NEBL: variants seen among roughly 807,000 people sequenced by gnomAD.
NEBL encodes nebulette, also known as LIM and SH3 protein 2.
A neutral mutation model predicts 140.2 loss-of-function variants in NEBL; 122 were observed. The ratio of observed to expected loss-of-function variants is 0.87; its 90% CI spans 0.75 to 1.01. The LOEUF (loss-of-function observed/expected upper bound fraction) is 1.01, where lower values mean the gene tolerates loss of function less well. Ranked by LOEUF, NEBL falls within the 50% of genes least tolerant of loss-of-function variation. The probability of loss-of-function intolerance (pLI) is 0.00; values close to 1 mark genes in which losing one functional copy is unlikely to be tolerated. For missense variants in NEBL, 1,365 were observed against 1,231.3 expected (o/e 1.11, Z -1.62); for synonymous variants, 436 against 398.9 (o/e 1.09, Z -1.11).
At chr10:21,106,262 A>T (rs542905851) in intron 2 of NEBL, among the ~76,000 whole-genome samples, 286 of 152,254 alleles carry the variant, frequency 1.9e-3, no homozygotes, top group Non-Finnish European at 2.6e-3. Flanking sequence ...GTCTTTGCCC[A>T]TGCCTATGTC....
At position 21,232,122 on chromosome 10, in the gene NEBL, G is replaced by A. The variant is rs1171715329; in HGVS notation, n.348+15799C>T. The stretch of plus-strand genomic sequence containing the variant: ...TAAACTATGTTCCAACTGCCACAGG[G>A]TTGTTGTTTTTTTTTCTCTCTCTCT... On this transcript the variant is annotated intron_variant and non_coding_transcript_variant, in intron 3 of 8. Transcript: ENST00000675702. Among the ~76,000 whole-genome samples, 2 of 152,210 alleles carry A rather than the reference G, an allele frequency of 1.3e-5. 1 individual carries two copies. The highest frequency in any genetic ancestry group is 3.9e-4 in the East Asian group (2 of 5,166).
chr10:21,147,629 T>C (rs1839956211), intron 2 of NEBL, among the ~76,000 whole-genome samples: 1 of 152,158 alleles, frequency 6.6e-6, no homozygotes, highest in Non-Finnish European at 1.5e-5. Context: ...GTCCTTGATA[T>C]TTACCACGGT....
intron 24 of NEBL, 37 bp from the exon 25 acceptor site, chr10:20,809,935 A>T: frequency 1.6e-6 from 2 of 1,221,224 alleles, no homozygotes; most frequent in Non-Finnish European, 1.2e-6. Flanking sequence ...CTCATCAAGA[A>T]GGAATTTAAA....
chr10:21,122,755 T>C (rs1158724877), intron 2 of NEBL, among the ~76,000 whole-genome samples: 3 of 152,100 alleles, frequency 2.0e-5, no homozygotes, highest in African/African-American at 7.2e-5. Flanking sequence ...GAGTCACCAG[T>C]AGAGATAGCA....
intron 2 of NEBL, among the ~76,000 whole-genome samples, chr10:21,119,908 T>C (rs921469224): frequency 4.6e-5 from 7 of 152,240 alleles, no homozygotes; most frequent in African/African-American, 1.7e-4. Context: ...TTCTGGTCTA[T>C]AATGACTGAT....
At chr10:21,189,840 T>C (rs1360788411) in intron 3 of NEBL, among the ~76,000 whole-genome samples, 1 of 152,116 alleles carries the variant, frequency 6.6e-6, no homozygotes, top group Non-Finnish European at 1.5e-5. Context: ...AATCCAACAA[T>C]TTGGAAAGGT....
In NEBL at chr10:21,271,443, T is replaced by A. The variant is rs1842858996; in HGVS notation, n.183-19615A>T. ...AATTTTAGTTACAAGATTAACATAT[T>A]CCGGGTTTCATGTACAACGTGGTAG... On this transcript the variant is annotated intron_variant and non_coding_transcript_variant, in intron 1 of 8. Transcript: ENST00000675702. Among the ~76,000 whole-genome samples, 3 of 152,140 alleles carry A rather than the reference T, an allele frequency of 2.0e-5. No homozygotes were observed. The South Asian group carries it at 6.2e-4, about 32-fold the overall frequency.
At chr10:21,029,883 C>A in intron 2 of NEBL, 1 of 654,084 alleles carries the variant, frequency 1.5e-6, no homozygotes, top group Non-Finnish European at 2.8e-6. Context: ...ACAGAGGAGG[C>A]AGGGACCGCT....
intron 3 of NEBL, among the ~76,000 whole-genome samples, chr10:21,011,285 G>A (rs1838329401): frequency 6.6e-6 from 1 of 152,120 alleles, no homozygotes; most frequent in African/African-American, 2.4e-5. Context: ...TATACAACAG[G>A]TCAGCAACTT....
At chr10:20,837,459 A>T (rs1841010531) in intron 13 of NEBL, among the ~76,000 whole-genome samples, 1 of 152,158 alleles carries the variant, frequency 6.6e-6, no homozygotes, top group South Asian at 2.1e-4. Flanking sequence ...GCACAAGAAA[A>T]GTTGGAAACT....
intron 14 of NEBL, among the ~76,000 whole-genome samples, chr10:20,834,785 T>C (rs1159268782): frequency 6.6e-6 from 1 of 152,254 alleles, no homozygotes; most frequent in Non-Finnish European, 1.5e-5. Flanking sequence ...GATCCTTTTA[T>C]ATTCTCAGAT....
rs564709918 is a variant in NEBL, at chr10:21,066,909, T to C, written c.165-46708A>G. Among the ~76,000 whole-genome samples, 10 of 151,890 alleles carry C rather than the reference T, an allele frequency of 6.6e-5. No individual in the cohort carries two copies. The South Asian group carries it at 1.9e-3, about 28-fold the overall frequency. On this transcript the variant is annotated intron_variant, in intron 2 of 6. Transcript: ENST00000417816. Reference sequence around the variant, plus strand: ...TTTAGCATCATGTTCAGTTGCTCCATCTCATAGAATACTTAGGACACAAAA... The same window carrying C: ...TTTAGCATCATGTTCAGTTGCTCCACCTCATAGAATACTTAGGACACAAAA...
At chr10:20,798,465 G>A (rs1275854896) in intron 26 of NEBL, among the ~76,000 whole-genome samples, 3 of 152,098 alleles carry the variant, frequency 2.0e-5, no homozygotes, top group African/African-American at 7.2e-5. Context: ...AGACAGACAG[G>A]TAAGTATGCA....
At chr10:20,973,127 T>G (rs1465073712) in intron 3 of NEBL, among the ~76,000 whole-genome samples, 2 of 152,224 alleles carry the variant, frequency 1.3e-5, no homozygotes, top group Non-Finnish European at 2.9e-5. Context: ...CTCCCTGCTA[T>G]GTAACAGCAG....
intron 3 of NEBL, among the ~76,000 whole-genome samples, chr10:21,240,947 A>ACACACACAC (rs1341595507): frequency 8.3e-6 from 1 of 121,196 alleles, no homozygotes; most frequent in Non-Finnish European, 1.8e-5. Flanking sequence ...CACACACACA[A>ACACACACAC]AACCAGTATC....
chr10:20,968,157 G>A lies in NEBL; in HGVS notation c.250-6378C>T, dbSNP rs1836409527. ...AGCAAACACAGACTTGAAGCAAGAA[G>A]GTAGGAAAAATTGCATTGAGAGAGT... is the stretch of plus-strand genomic sequence containing the variant. On this transcript the variant is annotated intron_variant, in intron 3 of 6. Coordinates refer to the NEBL transcript ENST00000417816. 1.3e-5 allele frequency among the ~76,000 whole-genome samples: 2 copies of A among 152,192 alleles called. 1 individual carries two copies.
rs1564345967 is a variant in NEBL at position 20,812,912 on chromosome 10, G to GT, written c.2374dup (p.Thr792AsnfsTer31). The stretch of plus-strand genomic sequence containing the variant: ...GACGGGAGTAAAGCCTCTCCCCTTT[G>GT]TTTTTTCAAAATCTTCATGGTATTT... On this transcript the variant is annotated frameshift_variant, in exon 24 of 28. Coordinates refer to ENST00000377122, the MANE Select transcript of NEBL (RefSeq NM_006393.3). LOFTEE classifies it high-confidence loss of function. 1 of 1,613,802 alleles carries GT rather than the reference G, an allele frequency of 6.2e-7. No individual in the cohort carries two copies.
At chr10:20,789,953 GTATA>G (rs144361238) in intron 26 of NEBL, among the ~76,000 whole-genome samples, 2 of 146,420 alleles carry the variant, frequency 1.4e-5, no homozygotes, top group African/African-American at 2.5e-5. Context: ...ATATGTGTGT[GTATA>G]TATATATATA....
chr10:20,790,867 A>C (rs1564326816), intron 26 of NEBL, among the ~76,000 whole-genome samples: 1 of 152,202 alleles, frequency 6.6e-6, no homozygotes, highest in Non-Finnish European at 1.5e-5. Context: ...TTCCATGAAC[A>C]TGTGGAATCA....
Sources: gnomAD v4.1 joint callset for allele counts (sites outside exome capture counted in the v4.1 genomes callset) on GRCh38, gnomAD v4.1.1 for gene constraint, MANE v1.5 for transcripts, NCBI Gene and HGNC (gene_info 2026-07-23, HGNC 2026-07-21) for gene names.